Variants in SYAP1 observed in about 807,000 individuals in gnomAD.
The protein encoded by SYAP1 is synapse-associated protein 1.
SYAP1 carries 3 observed loss-of-function variants against 29.6 expected under a neutral mutation model. The ratio of observed to expected loss-of-function variants is 0.10; its 90% CI spans 0.05 to 0.26. The LOEUF (loss-of-function observed/expected upper bound fraction) is 0.26, where lower values mean the gene tolerates loss of function less well. Among genes scored for constraint, SYAP1 ranks in the 10% least tolerant of loss-of-function variants. The probability of loss-of-function intolerance (pLI) is 1.00; values close to 1 mark genes in which losing one functional copy is unlikely to be tolerated. For missense variants in SYAP1, 217 were observed against 264.1 expected (o/e 0.82, Z 1.24); for synonymous variants, 102 against 102.7 (o/e 0.99, Z 0.04).
At position 16,736,248 on chromosome X, in the gene SYAP1, G is replaced by T. The variant is rs989767639; in HGVS notation, c.361+16G>T. Reference sequence around the variant, plus strand: ...AAGAAGTCAGGTATGGTATAGGTTTGTCTTAATTAACCTGCCAGGTTTTAT... The same window carrying T: ...AAGAAGTCAGGTATGGTATAGGTTTTTCTTAATTAACCTGCCAGGTTTTAT... On this transcript the variant is annotated intron_variant, in intron 3 of 8. Transcript: ENST00000380155. 1.8e-6 allele frequency: 2 copies of T among 1,121,182 alleles called. No individual in the cohort carries two copies. The highest frequency in any genetic ancestry group is 3.6e-5 in the African/African-American group (2 of 55,477). The allele number at this position is 1,121,182 out of a possible 1,213,427, so 92.4% of individuals were successfully genotyped here.
chrX:16,750,871 G>T (rs1371585528), intron 5 of SYAP1, among the ~76,000 whole-genome samples: 4 of 106,488 alleles, frequency 3.8e-5, no homozygotes, highest in Non-Finnish European at 7.7e-5. Context: ...CAGTTCAAGC[G>T]ATTCTCCTGC....
intron 4 of SYAP1, 92 bp downstream of exon 4, chrX:16,741,881 T>A (rs1926468311): frequency 1.6e-6 from 1 of 633,810 alleles, no homozygotes; most frequent in Admixed American, 3.3e-5. Context: ...TATTTTTCTA[T>A]ACAGTTTTTA....
chrX:16,726,609 G>T (rs774483570), intron 1 of SYAP1, among the ~76,000 whole-genome samples: 17 of 111,519 alleles, frequency 1.5e-4, no homozygotes, highest in African/African-American at 5.5e-4. Context: ...CTGGCCTGCC[G>T]CAATCCCCAC....
At chrX:16,731,898 C>T (rs1926213270) in intron 1 of SYAP1, among the ~76,000 whole-genome samples, 2 of 109,675 alleles carry the variant, frequency 1.8e-5, no homozygotes, top group South Asian at 7.5e-4. Flanking sequence ...CAAGATTGTG[C>T]CATTGCACTC....
At chrX:16,730,539 T>C (rs1029261386) in intron 1 of SYAP1, among the ~76,000 whole-genome samples, 2 of 112,413 alleles carry the variant, frequency 1.8e-5, no homozygotes, top group Non-Finnish European at 3.7e-5. Flanking sequence ...TTCCAGCATC[T>C]AACTCCATGT....
chrX:16,735,171 T>A (rs1926303482), intron 1 of SYAP1, 56 bp from the exon 2 acceptor site: 1 of 812,070 alleles, frequency 1.2e-6, no homozygotes, highest in Non-Finnish European at 1.8e-6. Flanking sequence ...TCATAAGATC[T>A]CTTTAAGGGA....
chrX:16,747,384 A>G (rs1337855735), intron 5 of SYAP1, among the ~76,000 whole-genome samples: 1 of 112,001 alleles, frequency 8.9e-6, no homozygotes, highest in Non-Finnish European at 1.9e-5. Context: ...AGGGTACCCA[A>G]GCTCCGGGGT....
chrX:16,751,785 T>A (rs967658978), intron 5 of SYAP1, among the ~76,000 whole-genome samples: 1 of 104,937 alleles, frequency 9.5e-6, no homozygotes, highest in African/African-American at 3.5e-5. Flanking sequence ...TTCAAGCAAT[T>A]CTCCTGCCTC....
chrX:16,754,762 C>T (rs995185911), intron 5 of SYAP1, among the ~76,000 whole-genome samples, 183 bp from the exon 6 acceptor site: 6 of 110,836 alleles, frequency 5.4e-5, no homozygotes, highest in African/African-American at 2.0e-4. Context: ...ATATGAACCC[C>T]CTCTGAACCT....
At chrX:16,726,130 C>G (rs1310203086) in intron 1 of SYAP1, among the ~76,000 whole-genome samples, 1 of 111,747 alleles carries the variant, frequency 8.9e-6, no homozygotes, top group African/African-American at 3.3e-5. Context: ...GAAATTATCA[C>G]CAGACCAACG....
At chrX:16,748,754 T>A (rs1178212670) in intron 5 of SYAP1, among the ~76,000 whole-genome samples, 5 of 91,045 alleles carry the variant, frequency 5.5e-5, no homozygotes, top group Admixed American at 3.4e-4. Context: ...TTTTTCTTTT[T>A]TTTTTCTTTT....
intron 5 of SYAP1, among the ~76,000 whole-genome samples, chrX:16,753,951 C>G (rs776109680): frequency 3.6e-5 from 4 of 110,756 alleles, no homozygotes; most frequent in Non-Finnish European, 7.5e-5. Flanking sequence ...CTCTCCGTTC[C>G]AGGCCACCCC....
Position 16,760,425 on chromosome X carries a change from C to T in SYAP1, c.*66C>T. The T allele has an allele frequency of 1.0e-6, 1 of 986,363 alleles. No individual in the cohort carries two copies. 81.3% of individuals were successfully genotyped at this position (986,363 alleles called of 1,213,427 possible). ...ACTGACATTAAATTCTAGATGTTGA[C>T]AATTACTGAATCAGAAGGCATGAAA... is the stretch of plus-strand genomic sequence containing the variant. On this transcript the variant is annotated 3_prime_UTR_variant, in exon 9 of 9. Transcript: ENST00000380155.
intron 1 of SYAP1, among the ~76,000 whole-genome samples, chrX:16,721,694 A>ATT (rs200577986): frequency 2.0e-3 from 199 of 101,304 alleles, no homozygotes; most frequent in African/African-American, 5.8e-3. Context: ...CACCTGGCTA[A>ATT]TTTTTTTTTT....
At chrX:16,757,949 T>G (rs1337381288) in intron 8 of SYAP1, among the ~76,000 whole-genome samples, 1 of 109,990 alleles carries the variant, frequency 9.1e-6, no homozygotes, top group Non-Finnish European at 1.9e-5. Context: ...AAAGCTGGCA[T>G]TCTCCTTGAC....
At chrX:16,749,588 T>A (rs1926683732) in intron 5 of SYAP1, among the ~76,000 whole-genome samples, 1 of 111,174 alleles carries the variant, frequency 9.0e-6, no homozygotes, top group South Asian at 3.7e-4. Flanking sequence ...AATACCTAAG[T>A]CTCATTTTGG....
Position 16,755,040 on chromosome X carries a change from C to A in SYAP1, c.671C>A (p.Ala224Asp), listed in dbSNP as rs769467856. 7.4e-6 allele frequency: 9 copies of A among 1,211,545 alleles called. No homozygotes were observed. Among genetic ancestry groups the A allele is most frequent in the Non-Finnish European group, 1.0e-5 (9 of 895,326 alleles). Residue 224 changes from alanine (A) to aspartate (D), a missense_variant, in exon 6 of 9, where the codon GCC becomes GAC. Transcript: ENST00000380155. ...QLTALAAQQQ[A>D]AGKEEKSNGR... ...ACGGCCCTGGCTGCCCAACAGCAGGCCGCAGGGAAGGAGGAGAAGAGCAAT... is the reference window on the plus strand; with the variant it reads ...ACGGCCCTGGCTGCCCAACAGCAGGACGCAGGGAAGGAGGAGAAGAGCAAT...
intron 5 of SYAP1, among the ~76,000 whole-genome samples, chrX:16,747,633 T>C (rs113223408): frequency 1.7e-3 from 194 of 112,978 alleles, no homozygotes; most frequent in Non-Finnish European, 3.2e-3. Context: ...TTTTTGAAAC[T>C]GTCTGAGAAT....
In SYAP1 at chrX:16,760,245, T is replaced by C. The variant is rs1230784867; in HGVS notation, c.945T>C (p.Asp315=). ...ETAVLEEDSA[D]WEKELQQELQ... Reference sequence around the variant, plus strand: ...TGTTTCTTTTAGAGGATTCTGCAGATTGGGAAAAAGAACTGCAGCAGGAAC... The same window carrying C: ...TGTTTCTTTTAGAGGATTCTGCAGACTGGGAAAAAGAACTGCAGCAGGAAC... Residue 315 remains aspartate, a synonymous_variant, in exon 9 of 9, where the codon GAT becomes GAC. Coordinates refer to ENST00000380155, the MANE Select transcript of SYAP1 (RefSeq NM_032796.4). The C allele has an allele frequency of 2.5e-6, 3 of 1,186,870 alleles. No homozygotes were observed. The highest frequency in any genetic ancestry group is 3.4e-6 in the Non-Finnish European group (3 of 887,377).
Sources: gnomAD v4.1 joint callset for allele counts (sites outside exome capture counted in the v4.1 genomes callset) on GRCh38, gnomAD v4.1.1 for gene constraint, MANE v1.5 for transcripts, NCBI Gene and HGNC (gene_info 2026-07-23, HGNC 2026-07-21) for gene names.